The following MASP1 variants were observed in gnomAD, a reference collection of about 807,000 sequenced individuals.
MASP1 encodes the protein mannan-binding lectin serine protease 1.
In MASP1, 59 loss-of-function variants were observed where a neutral mutation model predicts 77.1. The ratio of observed to expected loss-of-function variants is 0.77; its 90% confidence interval spans 0.62 to 0.95. The LOEUF (loss-of-function observed/expected upper bound fraction) is 0.95, where lower values mean the gene tolerates loss of function less well. MASP1 is among the 40% of genes least tolerant of loss of function. The pLI is 0.00. For synonymous variants in MASP1, 362 were observed against 354.5 expected, an observed-to-expected ratio of 1.02 and a Z score of -0.24; for missense variants, 885 against 912.9, an observed-to-expected ratio of 0.97 and a Z score of 0.39.
exon 15 of MASP1, chr3:187,221,103 C>G: frequency 6.2e-7 from 1 of 1,614,104 alleles, no homozygotes; most frequent in East Asian, 2.2e-5. Context: ...AGCCTTCTGG[C>G]AGGTGCTGTG....
intron 5 of MASP1, among the ~76,000 whole-genome samples, chr3:187,256,290 A>G (rs989710014): frequency 6.6e-6 from 1 of 152,246 alleles, no homozygotes; most frequent in African/African-American, 2.4e-5. Context: ...GGTTAAAAAA[A>G]TAAACAGAAG....
At chr3:187,238,624 A>G (rs1713369971) in intron 10 of MASP1, among the ~76,000 whole-genome samples, 1 of 152,220 alleles carries the variant, frequency 6.6e-6, no homozygotes, top group South Asian at 2.1e-4. Flanking sequence ...GTGATACTCT[A>G]GGATTCAAGG....
Position 187,235,161 on chromosome 3 carries a change from A to G in MASP1, c.*523T>C. 7.8e-7 allele frequency: 1 copy of G among 1,287,676 alleles called. No individual in the cohort carries two copies. The highest frequency in any genetic ancestry group is 1.0e-6 in the Non-Finnish European group (1 of 988,978). 79.8% of individuals were successfully genotyped at this position (1,287,676 alleles called of 1,614,324 possible). On this transcript the variant is annotated 3_prime_UTR_variant, in exon 11 of 11. Transcript: ENST00000296280. ...AGAGAGAGGGGCTTGGCTATGAGCC[A>G]TCTCCCAAAACCTGAATGCTCTTCT...
At chr3:187,265,325 A>C (rs1434339041) in intron 2 of MASP1, among the ~76,000 whole-genome samples, 1 of 152,176 alleles carries the variant, frequency 6.6e-6, no homozygotes, top group Non-Finnish European at 1.5e-5. Context: ...TCAAGTGAAC[A>C]CACTGGTCAT....
intron 2 of MASP1, chr3:187,262,996 A>C (rs559568089): frequency 2.4e-6 from 1 of 424,566 alleles, no homozygotes; most frequent in African/African-American, 2.0e-5. Context: ...TATTAAAAAT[A>C]ACTCAATATG....
intron 15 of MASP1, among the ~76,000 whole-genome samples, chr3:187,220,547 G>C (rs1254759523): frequency 7.5e-6 from 1 of 133,282 alleles, no homozygotes; most frequent in Non-Finnish European, 1.5e-5. Context: ...ACCCAGGCTA[G>C]AGTGCAGTGG....
chr3:187,264,456 T>C (rs188421256), intron 2 of MASP1, among the ~76,000 whole-genome samples: 2 of 150,762 alleles, frequency 1.3e-5, no homozygotes, highest in Admixed American at 1.3e-4. Flanking sequence ...ACTAAAAATT[T>C]TCTTTTTGGT....
At chr3:187,222,094 G>C (rs1403322765) in intron 14 of MASP1, among the ~76,000 whole-genome samples, 1 of 152,148 alleles carries the variant, frequency 6.6e-6, no homozygotes, top group Non-Finnish European at 1.5e-5. Context: ...GCCAGGGCAG[G>C]GTGGTCCTGA....
At chr3:187,275,991 C>G (rs555406647) in intron 2 of MASP1, among the ~76,000 whole-genome samples, 1 of 151,900 alleles carries the variant, frequency 6.6e-6, no homozygotes, top group Non-Finnish European at 1.5e-5. Flanking sequence ...CTGTACCTCT[C>G]AGTCTTCATT....
At chr3:187,230,551 TG>T (rs1192580755), downstream of MASP1, among the ~76,000 whole-genome samples, 2 of 152,256 alleles carry the variant, frequency 1.3e-5, no homozygotes, top group African/African-American at 2.4e-5. Context: ...AGAATCATTA[TG>T]CTCCAGCCAC....
At chr3:187,250,642 A>C (rs1192630938) in intron 7 of MASP1, among the ~76,000 whole-genome samples, 1 of 152,212 alleles carries the variant, frequency 6.6e-6, no homozygotes, top group Admixed American at 6.5e-5. Context: ...AGCGGTCAGC[A>C]TCTCCTAGAG....
At chr3:187,227,835 A>G (rs1712526565) in intron 11 of MASP1, among the ~76,000 whole-genome samples, 1 of 152,154 alleles carries the variant, frequency 6.6e-6, no homozygotes, top group Admixed American at 6.5e-5. Flanking sequence ...GTTCAGAGAC[A>G]TGGCTTGGCC....
At chr3:187,258,640 G>A (rs1248308330) in intron 4 of MASP1, among the ~76,000 whole-genome samples, 1 of 152,128 alleles carries the variant, frequency 6.6e-6, no homozygotes, top group Non-Finnish European at 1.5e-5. Flanking sequence ...CCTTCATAAG[G>A]AATAAAATCT....
rs1267624584 is a variant in MASP1, at chr3:187,236,172, G to A, written c.1699C>T (p.Pro567Ser). 6.2e-7 allele frequency: 1 copy of A among 1,614,052 alleles called. No homozygotes were observed. Among genetic ancestry groups the A allele is most frequent in the Non-Finnish European group, 8.5e-7 (1 of 1,180,050 alleles). The stretch of plus-strand genomic sequence containing the variant: ...GGCAGGCAGACAGGCATAACGTGGG[G>A]TCCCAGGGGCACAGGCTCCTGCAGC... The part of the protein sequence containing the change: ...VQLQEPVPLG[P>S]HVMPVCLPRL... Residue 567 changes from proline (P) to serine (S), a missense_variant, in exon 11 of 11, where the codon CCC (proline) becomes TCC (serine). Coordinates refer to ENST00000296280, the MANE Select transcript of MASP1 (RefSeq NM_139125.4).
chr3:187,220,975 T>C, intron 15 of MASP1: 2 of 1,433,162 alleles, frequency 1.4e-6, no homozygotes, highest in Non-Finnish European at 9.8e-7. Context: ...GCTCCCTTGC[T>C]GGCTCTGCAC....
intron 8 of MASP1, among the ~76,000 whole-genome samples, chr3:187,249,359 T>C: frequency 6.6e-6 from 1 of 152,200 alleles, no homozygotes; most frequent in East Asian, 1.9e-4. Context: ...TGCCAGGCTC[T>C]AATTCTTGAC....
chr3:187,252,756 G>A (rs2108543507), intron 6 of MASP1, among the ~76,000 whole-genome samples: 1 of 152,240 alleles, frequency 6.6e-6, no homozygotes, highest in Non-Finnish European at 1.5e-5. Flanking sequence ...CCACAAGGAG[G>A]CAAAGCACCA....
intron 8 of MASP1, among the ~76,000 whole-genome samples, chr3:187,249,148 C>G (rs1279988414): frequency 6.6e-6 from 1 of 152,236 alleles, no homozygotes; most frequent in South Asian, 2.1e-4. Flanking sequence ...ATCTCCGCCT[C>G]CTGGGTTCCA....
rs143853912 is a variant in MASP1, at chr3:187,222,398, G to A, written c.1809+729C>T. 2.5e-3 allele frequency among the ~76,000 whole-genome samples: 378 copies of A among 152,262 alleles called. 1 individual carries two copies. The highest frequency in any genetic ancestry group is 4.5e-3 in the Admixed American group (69 of 15,302). ...CCAAGGAAACACCAAATAGACCCCC[G>A]GGAGTTAGTGAATGAAGGGATGAAT... On this transcript the variant is annotated intron_variant, in intron 14 of 15. Transcript: ENST00000337774.
Sources: allele counts gnomAD v4.1 joint callset (sites outside exome capture counted in the v4.1 genomes callset), GRCh38; gene constraint gnomAD v4.1.1; transcripts MANE v1.5; gene names NCBI Gene and HGNC (gene_info 2026-07-23, HGNC 2026-07-21).